Variants in IDH2 observed in about 807,000 individuals in gnomAD.
IDH2 encodes the protein isocitrate dehydrogenase (NADP(+)) 2.
In IDH2, 18 loss-of-function variants were observed where a neutral mutation model predicts 50.5. The observed-to-expected ratio is 0.36, with a 90% CI of 0.25 to 0.53. IDH2 has a LOEUF of 0.53. IDH2 is among the 20% of genes least tolerant of loss of function. The probability of loss-of-function intolerance (pLI) is 0.92; values close to 1 mark genes in which losing one functional copy is unlikely to be tolerated. For synonymous variants in IDH2, 280 were observed against 239.8 expected (o/e 1.17, Z -1.55); for missense variants, 518 against 610.7 (o/e 0.85, Z 1.60).
intron 3 of IDH2, among the ~76,000 whole-genome samples, chr15:90,089,438 G>A (rs78800137): frequency 0.043 from 6,577 of 152,202 alleles, 214 homozygotes; most frequent in Middle Eastern, 0.071. Flanking sequence ...CTTGTCTGAC[G>A]AAGCCTGACA....
chr15:90,091,242 G>C (rs1555461616), intron 2 of IDH2, among the ~76,000 whole-genome samples: 1 of 152,204 alleles, frequency 6.6e-6, no homozygotes, highest in Non-Finnish European at 1.5e-5. Context: ...CAAGAAGTGA[G>C]GCAAAACGTA....
intron 1 of IDH2, among the ~76,000 whole-genome samples, chr15:90,092,377 C>T (rs187915711): frequency 1.4e-5 from 2 of 139,958 alleles, no homozygotes; most frequent in African/African-American, 5.5e-5. Flanking sequence ...TCCTTTCTTT[C>T]CTTCCTTCCT....
At chr15:90,092,410 T>TCC (rs1491239769) in intron 1 of IDH2, among the ~76,000 whole-genome samples, 1 of 71,266 alleles carries the variant, frequency 1.4e-5, no homozygotes, top group East Asian at 2.3e-4. Flanking sequence ...TTCCTCCCTT[T>TCC]CTCTCTCTCT....
Position 90,088,501 on chromosome 15 carries a change from T to A in IDH2, c.536A>T (p.Tyr179Phe), listed in dbSNP as rs2151549333. The change falls in exon 5 of 11, where the codon TAC becomes TTC. Residue 179 changes from tyrosine (Y) to phenylalanine (F), a missense_variant and splice_region_variant. Around this residue, in one of 5 missense-constraint regions of IDH2, gnomAD observed 207 missense variants for 208.6 expected, o/e 0.99. Transcript: ENST00000330062. Reference protein sequence around the residue: ...TIGRHAHGDQYKATDFVADRA... With the variant: ...TIGRHAHGDQFKATDFVADRA... Reference sequence around the variant, plus strand: ...GTCTGCCACAAAGTCTGTGGCCTTGTACTGCAGAGACAAGAGGATGGCTAG... The same window carrying A: ...GTCTGCCACAAAGTCTGTGGCCTTGAACTGCAGAGACAAGAGGATGGCTAG... The A allele has an allele frequency of 1.9e-6, 3 of 1,614,226 alleles. No individual in the cohort carries two copies. Among genetic ancestry groups the A allele is most frequent in the Non-Finnish European group, 2.5e-6 (3 of 1,180,040 alleles).
In IDH2 at chr15:90,084,994, T is replaced by C. The variant is rs1900819332; in HGVS notation, c.1178+7A>G. The C allele has an allele frequency of 6.2e-7, 1 of 1,613,496 alleles. No homozygotes were observed. Among genetic ancestry groups the C allele is most frequent in the South Asian group, 1.1e-5 (1 of 91,080 alleles). On this transcript the variant is annotated splice_region_variant and intron_variant, in intron 9 of 10. Coordinates refer to ENST00000330062, the MANE Select transcript of IDH2 (RefSeq NM_002168.4). The surrounding 1 kb of genome is among the most constrained non-coding windows in gnomAD (Gnocchi z 5.0). ...TGGGCAGCTCCGGCCTCTCCCTCCATGCTCACCTGATGAGGTCTTGGTTCC... is the reference window on the plus strand; with the variant it reads ...TGGGCAGCTCCGGCCTCTCCCTCCACGCTCACCTGATGAGGTCTTGGTTCC...
Position 90,093,609 on chromosome 15 carries a change from A to AATTTATTT in IDH2, c.116-1973_116-1966dup, listed in dbSNP as rs71151552. Reference sequence around the variant, plus strand: ...TTACCTCCATTTTATTTAATTAATTAATTTATTTATTTATTTATTTATTTT... The same window carrying AATTTATTT: ...TTACCTCCATTTTATTTAATTAATTAATTTATTTATTTATTTATTTATTTATTTATTTT... On this transcript the variant is annotated intron_variant, in intron 1 of 10. Coordinates refer to ENST00000330062, the MANE Select transcript of IDH2 (RefSeq NM_002168.4). Among the ~76,000 whole-genome samples, 1,069 of 150,430 alleles carry AATTTATTT rather than the reference A, an allele frequency of 7.1e-3. 2 individuals are homozygous for AATTTATTT. Among genetic ancestry groups the AATTTATTT allele is most frequent in the Non-Finnish European group, 0.011 (777 of 67,694 alleles).
rs202227794 is a variant in IDH2, at chr15:90,087,233, C to T, written c.846G>A (p.Lys282=). ...KHYKTDFDKN[K]IWYEHRLIDD... The stretch of plus-strand genomic sequence containing the variant: ...CAATGAGCCGGTGCTCATACCAGAT[C>T]TTATTCTTGTCGAAGTCGGTCTTAT... Residue 282 remains lysine (K), a synonymous_variant, in exon 7 of 11, where the codon AAG becomes AAA. Coordinates refer to ENST00000330062, the MANE Select transcript of IDH2 (RefSeq NM_002168.4). 2.2e-5 allele frequency: 35 copies of T among 1,614,066 alleles called. No individual in the cohort carries two copies. The highest frequency in any genetic ancestry group is 2.4e-5 in the Non-Finnish European group (28 of 1,180,044).
At chr15:90,096,744 C>A (rs913638330) in intron 1 of IDH2, among the ~76,000 whole-genome samples, 3 of 152,162 alleles carry the variant, frequency 2.0e-5, no homozygotes, top group Non-Finnish European at 4.4e-5. Context: ...GAAACCCTGA[C>A]TCTACTAAAA....
rs935706306 is a variant in IDH2 at position 90,085,501 on chromosome 15, C to G, written c.968-114G>C. 2 of 759,776 alleles carry G rather than the reference C, an allele frequency of 2.6e-6. No individual in the cohort carries two copies. The highest frequency in any genetic ancestry group is 3.4e-5 in the African/African-American group (2 of 58,066). 47.1% of individuals were successfully genotyped at this position (759,776 alleles called of 1,614,324 possible). The stretch of plus-strand genomic sequence containing the variant: ...AGCTGCCATAGTTCGTGGCTCTACT[C>G]AGCCTCCCCCAGCTGCAACTGGGAG... On this transcript the variant is annotated intron_variant, in intron 7 of 10. Transcript: ENST00000330062. The surrounding 1 kb of genome is among the most constrained non-coding windows in gnomAD (Gnocchi z 5.5).
Position 90,098,535 on chromosome 15 carries a change from T to TATGTATGTATGTATGCATGCATGC in IDH2, c.115+3740_115+3741insGCATGCATGCATACATACATACAT, listed in dbSNP as rs1555462246. ...GTATGTATGTATGTATGCATGCATG[T>TATGTATGTATGTATGCATGCATGC]ATGTATGTATGTATGTATGTATGTA... On this transcript the variant is annotated intron_variant, in intron 1 of 10. Coordinates refer to ENST00000330062, the MANE Select transcript of IDH2 (RefSeq NM_002168.4). This position sits in a 1 kb window ranked among gnomAD's most constrained non-coding sequence, Gnocchi z 5.1. Among the ~76,000 whole-genome samples, 1 of 142,402 alleles carries TATGTATGTATGTATGCATGCATGC rather than the reference T, an allele frequency of 7.0e-6. No homozygotes were observed. Among genetic ancestry groups the TATGTATGTATGTATGCATGCATGC allele is most frequent in the African/African-American group, 2.7e-5 (1 of 36,798 alleles). The allele number at this position is 142,402 out of a possible 152,430, so 93.4% of individuals were successfully genotyped here.
Position 90,098,547 on chromosome 15 carries a change from T to TATGCATGC in IDH2, c.115+3728_115+3729insGCATGCAT, listed in dbSNP as rs1427119248. ...GTATGCATGCATGTATGTATGTATG[T>TATGCATGC]ATGTATGTATGTATTGAGACAGAGT... is the stretch of plus-strand genomic sequence containing the variant. On this transcript the variant is annotated intron_variant, in intron 1 of 10. Transcript: ENST00000330062. This position sits in a 1 kb window ranked among gnomAD's most constrained non-coding sequence, Gnocchi z 5.1. Among the ~76,000 whole-genome samples, 7 of 25,522 alleles carry TATGCATGC rather than the reference T, an allele frequency of 2.7e-4. No individual in the cohort carries two copies. The highest frequency in any genetic ancestry group is 4.7e-4 in the Non-Finnish European group (3 of 6,322). The allele number at this position is 25,522 out of a possible 152,430, so 16.7% of individuals were successfully genotyped here. A position where few individuals can be genotyped will look rare whatever the true frequency, so the allele number is the denominator to read the frequency against.
rs1014128390 is a variant in IDH2 at position 90,085,196 on chromosome 15, G to A, written c.1080+79C>T. ...GCCCCTGGGCTGGTGGGTCAGGCTCGTCCTTCCAGCCCTCAGCCCAGTGGG... is the reference window on the plus strand; with the variant it reads ...GCCCCTGGGCTGGTGGGTCAGGCTCATCCTTCCAGCCCTCAGCCCAGTGGG... On this transcript the variant is annotated intron_variant, in intron 8 of 10. Transcript: ENST00000330062. The surrounding 1 kb of genome is among the most constrained non-coding windows in gnomAD (Gnocchi z 5.5). 8 of 1,529,862 alleles carry A rather than the reference G, an allele frequency of 5.2e-6. No homozygotes were observed. In the East Asian group the frequency reaches 9.2e-5, roughly 18 times the overall value. The allele number at this position is 1,529,862 out of a possible 1,614,324, so 94.8% of individuals were successfully genotyped here.
chr15:90,101,691 G>A (rs1408301130), intron 1 of IDH2, among the ~76,000 whole-genome samples: 1 of 151,660 alleles, frequency 6.6e-6, no homozygotes, highest in Non-Finnish European at 1.5e-5. Flanking sequence ...GTGGGGGTGG[G>A]GGCGGCCAAA....
chr15:90,084,789 G>A lies in IDH2; in HGVS notation c.1271+27C>T, dbSNP rs377175491. 1.2e-4 allele frequency: 188 copies of A among 1,590,610 alleles called. No homozygotes were observed. Among genetic ancestry groups the A allele is most frequent in the Non-Finnish European group, 1.5e-4 (170 of 1,160,506 alleles). ...TGGCTTCCTCCCACATGGCCCCAGGGTCTGCCTACCACCCCAGGCCACGCA... is the reference window on the plus strand; with the variant it reads ...TGGCTTCCTCCCACATGGCCCCAGGATCTGCCTACCACCCCAGGCCACGCA... On this transcript the variant is annotated intron_variant, in intron 10 of 10. Coordinates refer to ENST00000330062, the MANE Select transcript of IDH2 (RefSeq NM_002168.4). This position sits in a 1 kb window ranked among gnomAD's most constrained non-coding sequence, Gnocchi z 5.0.
chr15:90,095,429 G>A (rs1323416843), intron 1 of IDH2, among the ~76,000 whole-genome samples: 2 of 151,154 alleles, frequency 1.3e-5, no homozygotes, highest in Admixed American at 1.3e-4. Flanking sequence ...GTTCTGGGGA[G>A]CATCTCCTAT....
intron 1 of IDH2, among the ~76,000 whole-genome samples, chr15:90,101,900 GC>G (rs1323800627): frequency 2.0e-5 from 3 of 151,814 alleles, no homozygotes; most frequent in Non-Finnish European, 4.4e-5. Flanking sequence ...GGGTGCTCCA[GC>G]CCCCCACGGG....
chr15:90,101,036 G>C (rs994578442), intron 1 of IDH2, among the ~76,000 whole-genome samples: 2 of 151,968 alleles, frequency 1.3e-5, no homozygotes, highest in African/African-American at 4.8e-5. Context: ...TGCTATATGG[G>C]AATCTTTGGG....
chr15:90,084,073 A>G lies in IDH2; in HGVS notation c.*193T>C. On this transcript the variant is annotated 3_prime_UTR_variant, in exon 11 of 11. Transcript: ENST00000330062. This position sits in a 1 kb window ranked among gnomAD's most constrained non-coding sequence, Gnocchi z 5.0. The stretch of plus-strand genomic sequence containing the variant: ...CAAAACATACTGACTGGCTGAGGTA[A>G]AACGCACTGCTCCTGCCTCACGTCA... 1.6e-6 allele frequency: 1 copy of G among 606,614 alleles called. No individual in the cohort carries two copies. Among genetic ancestry groups the G allele is most frequent in the Non-Finnish European group, 3.0e-6 (1 of 338,662 alleles). The allele number at this position is 606,614 out of a possible 1,614,324, so 37.6% of individuals were successfully genotyped here. A position where few individuals can be genotyped will look rare whatever the true frequency, so the allele number is the denominator to read the frequency against.
In IDH2 at chr15:90,100,514, A is replaced by T. The variant is rs981269593; in HGVS notation, c.115+1762T>A. 2 of 434,294 alleles carry T rather than the reference A, an allele frequency of 4.6e-6. No individual in the cohort carries two copies. Among genetic ancestry groups the T allele is most frequent in the Admixed American group, 6.4e-5 (1 of 15,622 alleles). 26.9% of individuals were successfully genotyped at this position (434,294 alleles called of 1,614,324 possible). A position where few individuals can be genotyped will look rare whatever the true frequency, so the allele number is the denominator to read the frequency against. On this transcript the variant is annotated intron_variant, in intron 1 of 10. Coordinates refer to ENST00000330062, the MANE Select transcript of IDH2 (RefSeq NM_002168.4). This position sits in a 1 kb window ranked among gnomAD's most constrained non-coding sequence, Gnocchi z 4.1. ...GGTTAGGAGTGAAGGAAGGCTAGAT[A>T]AGTAATTCTGCCACTGAGCCGTTCA... is the stretch of plus-strand genomic sequence containing the variant.
Sources: gnomAD v4.1 joint callset for allele counts (sites outside exome capture counted in the v4.1 genomes callset) on GRCh38, gnomAD v4.1.1 for gene constraint, gnomAD v4.1.1 regional missense constraint, Gnocchi (gnomAD v3.1) non-coding constraint, MANE v1.5 for transcripts, NCBI Gene and HGNC (gene_info 2026-07-23, HGNC 2026-07-21) for gene names.